The following SULF2 variants were observed in gnomAD, a reference collection of about 807,000 sequenced individuals.
SULF2 encodes extracellular sulfatase Sulf-2.
In SULF2, 52 loss-of-function variants were observed where a neutral mutation model predicts 107.7. The observed-to-expected ratio is 0.48, with a 90% confidence interval of 0.39 to 0.61. The LOEUF (loss-of-function observed/expected upper bound fraction) is 0.61, where lower values mean the gene tolerates loss of function less well. SULF2 is among the 20% of genes least tolerant of loss of function. SULF2 has a pLI of 0.00. For missense variants in SULF2, 993 were observed against 1,177.3 expected, an observed-to-expected ratio of 0.84 and a Z score of 2.29; for synonymous variants, 460 against 464.3, an observed-to-expected ratio of 0.99 and a Z score of 0.12.
intron 2 of SULF2, among the ~76,000 whole-genome samples, chr20:47,745,440 TATATATATATATATATACACATAC>T (rs1324153024): frequency 0.086 from 1,073 of 12,488 alleles, 99 homozygotes; most frequent in African/African-American, 0.21. Context: ...TATATATATA[TATATATATATATATATACACATAC>T]ACACACACTT....
chr20:47,718,186 T>C (rs2089182242), intron 3 of SULF2, among the ~76,000 whole-genome samples: 1 of 152,052 alleles, frequency 6.6e-6, no homozygotes, highest in African/African-American at 2.4e-5. Context: ...AGCCAACAGC[T>C]TGCATTTAAG....
chr20:47,701,604 T>C (rs766159611), intron 4 of SULF2, among the ~76,000 whole-genome samples: 11 of 152,194 alleles, frequency 7.2e-5, no homozygotes, highest in Admixed American at 1.3e-4. Flanking sequence ...GCCTCTATGC[T>C]CACCAGGAGC....
chr20:47,684,503 G>A lies in SULF2; in HGVS notation c.816C>T (p.His272=). Residue 272 remains histidine, a synonymous_variant, in exon 6 of 21, where the codon CAC becomes CAT. Transcript: ENST00000688720. ...MRYTGPMKPI[H]MEFTNMLQRK... ...GCTGGAGCATGTTGGTGAATTCCAT[G>A]TGGATGGGCTTCATGGGCCCCGTGT... The A allele has an allele frequency of 6.2e-7, 1 of 1,614,166 alleles. No homozygotes were observed. The highest frequency in any genetic ancestry group is 8.5e-7 in the Non-Finnish European group (1 of 1,179,998).
chr20:47,766,169 C>T (rs6094821), intron 1 of SULF2, among the ~76,000 whole-genome samples: 1,648 of 152,338 alleles, frequency 0.011, 37 homozygotes, highest in African/African-American at 0.038. Flanking sequence ...GGATGACACA[C>T]GCACATCTGT....
intron 11 of SULF2, among the ~76,000 whole-genome samples, chr20:47,669,093 G>GT (rs1568788879): frequency 1.3e-5 from 2 of 152,156 alleles, no homozygotes; most frequent in African/African-American, 4.8e-5. Context: ...GTGGCCCTTT[G>GT]TTCACTTGTT....
intron 8 of SULF2, 55 bp from the exon 9 acceptor site, chr20:47,677,189 C>T (rs1484754608): frequency 6.3e-7 from 1 of 1,599,578 alleles, no homozygotes; most frequent in Non-Finnish European, 8.6e-7. Flanking sequence ...CCCACGACCC[C>T]CCGTTCCCCC....
chr20:47,709,901 A>AC (rs1307065342), intron 3 of SULF2, among the ~76,000 whole-genome samples: 1 of 135,064 alleles, frequency 7.4e-6, no homozygotes, highest in Non-Finnish European at 1.6e-5. Context: ...ACCTGAAACC[A>AC]CTTTTTTTTT....
chr20:47,761,864 C>A (rs1021368213), intron 1 of SULF2, among the ~76,000 whole-genome samples: 1 of 152,228 alleles, frequency 6.6e-6, no homozygotes, highest in Non-Finnish European at 1.5e-5. Context: ...ATAATTCCCA[C>A]GTGTTGTGGG....
At chr20:47,665,314 G>A in intron 13 of SULF2, 21 bp from the exon 14 acceptor site, 5 of 1,516,094 alleles carry the variant, frequency 3.3e-6, no homozygotes, top group Non-Finnish European at 4.6e-6. Flanking sequence ...GGCAGAAGAG[G>A]AGGCCTTGAA....
In SULF2 at chr20:47,678,927, G is replaced by T; in HGVS notation, c.1065-123C>A. The T allele has an allele frequency of 1.2e-6, 1 of 811,218 alleles. No homozygotes were observed. The highest frequency in any genetic ancestry group is 2.0e-6 in the Non-Finnish European group (1 of 491,646). 50.3% of individuals were successfully genotyped at this position (811,218 alleles called of 1,614,324 possible). On this transcript the variant is annotated intron_variant, in intron 7 of 20. Transcript: ENST00000688720. This position sits in a 1 kb window ranked among gnomAD's most constrained non-coding sequence, Gnocchi z 4.5. ...GAGGCTGACATCTGCAGGTATGGAAGCTGCAGTCTGGCACCTCAACCTCAG... is the reference window on the plus strand; with the variant it reads ...GAGGCTGACATCTGCAGGTATGGAATCTGCAGTCTGGCACCTCAACCTCAG...
At chr20:47,777,909 G>A (rs1465568140) in intron 1 of SULF2, among the ~76,000 whole-genome samples, 1 of 151,740 alleles carries the variant, frequency 6.6e-6, no homozygotes, top group Non-Finnish European at 1.5e-5. Context: ...AGCACTTTTG[G>A]AGGGTCACTT....
intron 3 of SULF2, among the ~76,000 whole-genome samples, chr20:47,731,936 A>G (rs927845520): frequency 5.9e-5 from 9 of 152,254 alleles, no homozygotes; most frequent in Non-Finnish European, 1.3e-4. Flanking sequence ...GGCTGAGCAC[A>G]TGCTGCCACA....
At chr20:47,687,641 GTCTT>G (rs1332946565) in intron 5 of SULF2, among the ~76,000 whole-genome samples, 4 of 151,086 alleles carry the variant, frequency 2.6e-5, no homozygotes, top group Non-Finnish European at 3.0e-5. Flanking sequence ...CTCTGCCTAT[GTCTT>G]TGTTTGCGTG....
chr20:47,732,466 G>C (rs1012467290), intron 3 of SULF2, among the ~76,000 whole-genome samples: 1 of 152,142 alleles, frequency 6.6e-6, no homozygotes, highest in African/African-American at 2.4e-5. Flanking sequence ...TTTGACTTGT[G>C]GATATATAAG....
intron 11 of SULF2, among the ~76,000 whole-genome samples, chr20:47,668,991 A>C (rs1261386484): frequency 6.6e-6 from 1 of 152,098 alleles, no homozygotes; most frequent in Admixed American, 6.5e-5. Flanking sequence ...TGTTCTCATT[A>C]AATGTCCATT....
intron 3 of SULF2, among the ~76,000 whole-genome samples, chr20:47,727,113 G>A (rs914361701): frequency 6.6e-6 from 1 of 152,128 alleles, no homozygotes; most frequent in Non-Finnish European, 1.5e-5. Context: ...AGATGAATGT[G>A]TTCCCCAAAA....
chr20:47,675,747 G>A (rs2087620101), intron 10 of SULF2, among the ~76,000 whole-genome samples: 1 of 135,708 alleles, frequency 7.4e-6, no homozygotes, highest in Non-Finnish European at 1.6e-5. Context: ...TCCCTGCCCT[G>A]CCCCGCCCCC....
rs114982301 is a variant in SULF2 at position 47,683,010 on chromosome 20, C to T, written c.1048G>A (p.Val350Met). ...RVPFYVRGPN[V>M]EAGCLNPHIV... ...CACACTTACAGACAGCCGGCTTCCACGTTGGGGCCCCTCACGTAGAACGGG... is the reference window on the plus strand; with the variant it reads ...CACACTTACAGACAGCCGGCTTCCATGTTGGGGCCCCTCACGTAGAACGGG... Residue 350 changes from valine (V) to methionine (M), a missense_variant, in exon 7 of 21, where the codon GTG becomes ATG. This residue lies in a region of SULF2 where 108 missense variants were observed against 183.9 expected (regional missense o/e 0.59). Transcript: ENST00000688720. 23 of 1,609,610 alleles carry T rather than the reference C, an allele frequency of 1.4e-5. No homozygotes were observed. The highest frequency in any genetic ancestry group is 1.1e-4 in the East Asian group (5 of 44,804).
chr20:47,732,800 G>C (rs752727557), intron 3 of SULF2, among the ~76,000 whole-genome samples: 1 of 152,114 alleles, frequency 6.6e-6, no homozygotes. Flanking sequence ...CTGAGATTAC[G>C]CCACTGCACT....
Sources: allele counts gnomAD v4.1 joint callset (sites outside exome capture counted in the v4.1 genomes callset), GRCh38; gene constraint gnomAD v4.1.1; regional missense constraint gnomAD v4.1.1; non-coding constraint Gnocchi (gnomAD v3.1); transcripts MANE v1.5; gene names NCBI Gene and HGNC (gene_info 2026-07-23, HGNC 2026-07-21).